NAALADL2: variants seen among roughly 807,000 people sequenced by gnomAD.
The protein encoded by NAALADL2 is N-acetylated alpha-linked acidic dipeptidase like 2.
NAALADL2 carries 76 observed loss-of-function variants against 87.2 expected under a neutral mutation model. The ratio of observed to expected loss-of-function variants is 0.87; its 90% CI spans 0.72 to 1.05. The LOEUF is 1.05. NAALADL2 is among the 50% of genes least tolerant of loss of function. The pLI, the probability that NAALADL2 is intolerant of heterozygous loss-of-function variation, is 0.00. For synonymous variants in NAALADL2, 354 were observed against 331.0 expected, an observed-to-expected ratio of 1.07 and a Z score of -0.75; for missense variants, 1,089 against 945.8, an observed-to-expected ratio of 1.15 and a Z score of -1.99.
chr3:175,658,626 T>G (rs1228215683), intron 11 of NAALADL2, among the ~76,000 whole-genome samples: 2 of 152,156 alleles, frequency 1.3e-5, no homozygotes, highest in Non-Finnish European at 2.9e-5. Context: ...AACCCAGAAA[T>G]GCTTCATATG....
chr3:175,199,750 G>C (rs1739527216), intron 2 of NAALADL2, among the ~76,000 whole-genome samples: 2 of 117,846 alleles, frequency 1.7e-5, no homozygotes, highest in African/African-American at 5.6e-5. Flanking sequence ...GTGTGTCCAG[G>C]AAAACTGATT....
intron 1 of NAALADL2, among the ~76,000 whole-genome samples, chr3:174,922,782 A>G (rs1241204731): frequency 2.0e-5 from 3 of 152,182 alleles, no homozygotes; most frequent in African/African-American, 4.8e-5. Flanking sequence ...CAACAACACT[A>G]CTAAAATGAT....
chr3:174,844,423 G>C (rs1279205766), intron 3 of NAALADL2, among the ~76,000 whole-genome samples: 1 of 152,084 alleles, frequency 6.6e-6, no homozygotes, highest in Non-Finnish European at 1.5e-5. Context: ...GTTAGGTAAT[G>C]AGTGTGATAC....
intron 1 of NAALADL2, among the ~76,000 whole-genome samples, chr3:174,930,156 A>G (rs1736651288): frequency 6.6e-6 from 1 of 152,140 alleles, no homozygotes. Context: ...ACTGACTAAC[A>G]TTATCTGTAG....
At chr3:175,041,777 T>G (rs1754099650) in intron 1 of NAALADL2, among the ~76,000 whole-genome samples, 1 of 152,174 alleles carries the variant, frequency 6.6e-6, no homozygotes, top group African/African-American at 2.4e-5. Flanking sequence ...TATTTTTATA[T>G]TTCAGCTTTA....
intron 9 of NAALADL2, among the ~76,000 whole-genome samples, chr3:175,514,347 A>G (rs1010498598): frequency 6.6e-6 from 1 of 152,202 alleles, no homozygotes; most frequent in African/African-American, 2.4e-5. Context: ...TTTATAATGT[A>G]TTAACTATAA....
At chr3:175,671,589 G>C (rs1234495916) in intron 11 of NAALADL2, among the ~76,000 whole-genome samples, 1 of 151,982 alleles carries the variant, frequency 6.6e-6, no homozygotes, top group Admixed American at 6.6e-5. Flanking sequence ...CCTATTCTCT[G>C]ATGATTTGTG....
intron 7 of NAALADL2, among the ~76,000 whole-genome samples, chr3:175,465,294 A>T (rs146025180): frequency 4.4e-4 from 67 of 151,576 alleles, no homozygotes; most frequent in African/African-American, 1.5e-3. Flanking sequence ...CATTTTATTT[A>T]ATAACTTTGA....
intron 9 of NAALADL2, among the ~76,000 whole-genome samples, chr3:175,562,146 CT>C (rs35999334): frequency 6.6e-6 from 1 of 152,166 alleles, no homozygotes; most frequent in Non-Finnish European, 1.5e-5. Flanking sequence ...TGAAATCTGA[CT>C]TTTTTGGACT....
chr3:174,778,911 C>T (rs186512584), intron 3 of NAALADL2, among the ~76,000 whole-genome samples: 28 of 152,224 alleles, frequency 1.8e-4, no homozygotes, highest in Admixed American at 1.8e-3. Flanking sequence ...CAAGTCTTTG[C>T]TATTGTGAAC....
At chr3:175,299,380 C>A (rs1342165538) in intron 4 of NAALADL2, among the ~76,000 whole-genome samples, 1 of 151,738 alleles carries the variant, frequency 6.6e-6, no homozygotes, top group Non-Finnish European at 1.5e-5. Context: ...ATTACTTTGG[C>A]CAGTATGGCC....
chr3:175,781,978 A>G (rs1751185147), intron 13 of NAALADL2, among the ~76,000 whole-genome samples: 1 of 150,514 alleles, frequency 6.6e-6, no homozygotes, highest in Admixed American at 6.7e-5. Context: ...TTCTTGCTAT[A>G]GTTTACTGAG....
chr3:175,218,374 C>T (rs1388143632), intron 2 of NAALADL2, among the ~76,000 whole-genome samples: 1 of 152,152 alleles, frequency 6.6e-6, no homozygotes, highest in African/African-American at 2.4e-5. Flanking sequence ...TTAACACCCA[C>T]TGATCAAAGG....
intron 11 of NAALADL2, among the ~76,000 whole-genome samples, chr3:175,713,323 A>G (rs1740785710): frequency 6.6e-6 from 1 of 152,108 alleles, no homozygotes; most frequent in South Asian, 2.1e-4. Flanking sequence ...ACAGTTCTGA[A>G]CTCAATTCAT....
chr3:174,981,182 T>C (rs537876736), intron 1 of NAALADL2, among the ~76,000 whole-genome samples: 1 of 152,202 alleles, frequency 6.6e-6, no homozygotes, highest in Non-Finnish European at 1.5e-5. Flanking sequence ...TCTAAATTAA[T>C]ACATTATTAT....
intron 11 of NAALADL2, among the ~76,000 whole-genome samples, chr3:175,663,985 G>T (rs1488580851): frequency 6.6e-6 from 1 of 151,948 alleles, no homozygotes; most frequent in Non-Finnish European, 1.5e-5. Flanking sequence ...CAGTGTTTAG[G>T]AATAAAGTCT....
chr3:174,820,371 A>G (rs372975501), intron 3 of NAALADL2, among the ~76,000 whole-genome samples: 1 of 152,212 alleles, frequency 6.6e-6, no homozygotes, highest in Non-Finnish European at 1.5e-5. Flanking sequence ...GTAATGGAGC[A>G]TATACAATTA....
chr3:174,955,888 G>A (rs1003599807), intron 1 of NAALADL2, among the ~76,000 whole-genome samples: 2 of 152,014 alleles, frequency 1.3e-5, no homozygotes, highest in Admixed American at 1.3e-4. Flanking sequence ...TGACACTAGT[G>A]ATACTGTTTA....
chr3:175,013,009 A>G (rs1750061215), intron 1 of NAALADL2, among the ~76,000 whole-genome samples: 1 of 94,480 alleles, frequency 1.1e-5, no homozygotes. Flanking sequence ...ATATATGTAC[A>G]TATATAATAT....
Sources: gnomAD v4.1 joint callset for allele counts (sites outside exome capture counted in the v4.1 genomes callset) on GRCh38, gnomAD v4.1.1 for gene constraint, MANE v1.5 for transcripts, NCBI Gene and HGNC (gene_info 2026-07-23, HGNC 2026-07-21) for gene names.